KCNMA1: variants seen among roughly 807,000 people sequenced by gnomAD.
KCNMA1 encodes Calcium-activated potassium channel subunit alpha-1.
A neutral mutation model predicts 140.0 loss-of-function variants in KCNMA1; 29 were observed. That is an observed-to-expected ratio of 0.21 (90% CI 0.15 to 0.28). The LOEUF (loss-of-function observed/expected upper bound fraction) is 0.28, where lower values mean the gene tolerates loss of function less well. Ranked by LOEUF, KCNMA1 falls within the 10% of genes least tolerant of loss-of-function variation. The probability of loss-of-function intolerance (pLI) is 1.00; values close to 1 mark genes in which losing one functional copy is unlikely to be tolerated. For synonymous variants in KCNMA1, 612 were observed against 611.9 expected, an observed-to-expected ratio of 1.00 and a Z score of 0.00; for missense variants, 880 against 1,602.2, an observed-to-expected ratio of 0.55 and a Z score of 7.70.
At chr10:77,476,917 T>G (rs1361408215) in intron 1 of KCNMA1, among the ~76,000 whole-genome samples, 1 of 151,230 alleles carries the variant, frequency 6.6e-6, no homozygotes, top group Non-Finnish European at 1.5e-5. Context: ...GGAAAAGCAG[T>G]CAAAAACACA....
intron 1 of KCNMA1, among the ~76,000 whole-genome samples, chr10:77,549,624 G>C (rs1311914223): frequency 6.6e-6 from 1 of 152,212 alleles, no homozygotes; most frequent in Non-Finnish European, 1.5e-5. Context: ...GCTAAGATGA[G>C]CTATGCCCTA....
At chr10:77,540,821 C>T (rs1236361570) in intron 1 of KCNMA1, among the ~76,000 whole-genome samples, 7 of 151,952 alleles carry the variant, frequency 4.6e-5, no homozygotes, top group South Asian at 2.1e-4. Flanking sequence ...GTCAACAGGG[C>T]GAAACCCCAA....
chr10:76,920,020 G>GTGTGTGTGTGTGTGTATATATATATATA (rs1177257916), intron 23 of KCNMA1, among the ~76,000 whole-genome samples: 2 of 34,426 alleles, frequency 5.8e-5, no homozygotes, highest in African/African-American at 2.1e-4. Context: ...GTGTGTGTGT[G>GTGTGTGTGTGTGTGTATATATATATATA]TATATATATA....
chr10:77,516,678 G>T (rs2050582466), intron 1 of KCNMA1, among the ~76,000 whole-genome samples: 1 of 152,234 alleles, frequency 6.6e-6, no homozygotes, highest in Non-Finnish European at 1.5e-5. Context: ...TTGCACGGTG[G>T]GCAGAGCACC....
chr10:77,546,862 G>A (rs921648601), intron 1 of KCNMA1, among the ~76,000 whole-genome samples: 7 of 152,250 alleles, frequency 4.6e-5, no homozygotes, highest in South Asian at 2.1e-4. Context: ...ACTATGTGTC[G>A]GGCTCTGTGC....
At chr10:76,983,725 T>TAAAA (rs563879219) in intron 19 of KCNMA1, among the ~76,000 whole-genome samples, 1 of 136,888 alleles carries the variant, frequency 7.3e-6, no homozygotes, top group Non-Finnish European at 1.6e-5. Flanking sequence ...AGACACTGTT[T>TAAAA]AAAAAAAAAA....
chr10:77,571,289 A>G (rs1366206760), intron 1 of KCNMA1, among the ~76,000 whole-genome samples: 1 of 152,152 alleles, frequency 6.6e-6, no homozygotes, highest in Non-Finnish European at 1.5e-5. Context: ...CTCATGCTTG[A>G]ATGGCTGGGT....
chr10:76,964,236 G>T (rs548825276), intron 20 of KCNMA1, among the ~76,000 whole-genome samples: 1 of 151,974 alleles, frequency 6.6e-6, no homozygotes, highest in East Asian at 1.9e-4. Context: ...GGCAGAACTA[G>T]GGTCCTTTTC....
At chr10:77,397,844 C>T (rs984949627) in intron 2 of KCNMA1, among the ~76,000 whole-genome samples, 2 of 152,124 alleles carry the variant, frequency 1.3e-5, no homozygotes, top group Non-Finnish European at 2.9e-5. Context: ...ATTTAGCTCC[C>T]ACTTATTCAT....
intron 1 of KCNMA1, among the ~76,000 whole-genome samples, chr10:77,624,737 G>A (rs1024761850): frequency 6.6e-6 from 1 of 152,132 alleles, no homozygotes; most frequent in African/African-American, 2.4e-5. Flanking sequence ...ACTGTAGCTA[G>A]TCACTTGTCA....
intron 1 of KCNMA1, among the ~76,000 whole-genome samples, chr10:77,425,991 C>T (rs1260632780): frequency 6.6e-6 from 1 of 152,120 alleles, no homozygotes; most frequent in African/African-American, 2.4e-5. Flanking sequence ...AGATGGCAGG[C>T]CAAAGAGGGA....
At chr10:77,393,317 C>A (rs2095905026) in intron 2 of KCNMA1, among the ~76,000 whole-genome samples, 1 of 152,214 alleles carries the variant, frequency 6.6e-6, no homozygotes, top group Non-Finnish European at 1.5e-5. Context: ...TTGTTCTTCA[C>A]CCCCTGACCC....
At chr10:77,519,947 T>C (rs902742835) in intron 1 of KCNMA1, among the ~76,000 whole-genome samples, 1 of 151,130 alleles carries the variant, frequency 6.6e-6, no homozygotes, top group Non-Finnish European at 1.5e-5. Context: ...CGTGAGGGTA[T>C]GCAGTGTGAG....
At chr10:76,981,373 G>T (rs1373178730) in intron 19 of KCNMA1, among the ~76,000 whole-genome samples, 5 of 152,120 alleles carry the variant, frequency 3.3e-5, no homozygotes, top group Non-Finnish European at 7.3e-5. Flanking sequence ...ACGTTTAAAC[G>T]GACCTCAATT....
At chr10:76,894,485 A>C (rs2041632312) in intron 25 of KCNMA1, among the ~76,000 whole-genome samples, 1 of 152,244 alleles carries the variant, frequency 6.6e-6, no homozygotes, top group Admixed American at 6.5e-5. Flanking sequence ...ATTGGACTTC[A>C]TAAAAATTTA....
intron 1 of KCNMA1, among the ~76,000 whole-genome samples, chr10:77,518,845 T>C (rs1353681561): frequency 6.6e-6 from 1 of 152,124 alleles, no homozygotes; most frequent in Non-Finnish European, 1.5e-5. Context: ...TCAGACAAAA[T>C]GGAGAAAACC....
intron 3 of KCNMA1, among the ~76,000 whole-genome samples, chr10:77,244,657 A>C (rs2058148442): frequency 6.6e-6 from 1 of 152,182 alleles, no homozygotes; most frequent in Admixed American, 6.5e-5. Context: ...GTTCCTTGGC[A>C]TACTCTCCAC....
chr10:77,620,289 G>A (rs1040695126), intron 1 of KCNMA1, among the ~76,000 whole-genome samples: 1 of 152,102 alleles, frequency 6.6e-6, no homozygotes, highest in Admixed American at 6.6e-5. Context: ...GGCCTGGTAA[G>A]GAGACTGCTG....
intron 1 of KCNMA1, among the ~76,000 whole-genome samples, chr10:77,589,103 G>A (rs1220926531): frequency 6.6e-6 from 1 of 152,192 alleles, no homozygotes; most frequent in African/African-American, 2.4e-5. Flanking sequence ...TACAAAACAT[G>A]CAGTGGGCCG....
Sources: allele counts gnomAD v4.1 joint callset (sites outside exome capture counted in the v4.1 genomes callset), GRCh38; gene constraint gnomAD v4.1.1; transcripts MANE v1.5; gene names NCBI Gene and HGNC (gene_info 2026-07-23, HGNC 2026-07-21).